The following KAT6B variants were observed in gnomAD, a reference collection of about 807,000 sequenced individuals.
KAT6B encodes lysine acetyltransferase 6B.
A neutral mutation model predicts 187.5 loss-of-function variants in KAT6B; 10 were observed. That is an observed-to-expected ratio of 0.05 (90% confidence interval 0.03 to 0.09). The LOEUF is 0.09. Among genes scored for constraint, KAT6B ranks in the 10% least tolerant of loss-of-function variants. The probability of loss-of-function intolerance (pLI) is 1.00; values close to 1 mark genes in which losing one functional copy is unlikely to be tolerated. For missense variants in KAT6B, 1,952 were observed against 2,558.9 expected (o/e 0.76, Z 5.12); for synonymous variants, 861 against 926.8 (o/e 0.93, Z 1.29).
intron 13 of KAT6B, among the ~76,000 whole-genome samples, chr10:75,018,674 A>G (rs1294372992): frequency 6.6e-6 from 1 of 152,192 alleles, no homozygotes; most frequent in Non-Finnish European, 1.5e-5. Flanking sequence ...GGGGGGGCAC[A>G]TACCACCTTG....
intron 3 of KAT6B, among the ~76,000 whole-genome samples, chr10:74,858,935 A>G (rs551190862): frequency 6.6e-6 from 1 of 151,220 alleles, no homozygotes; most frequent in South Asian, 2.1e-4. Flanking sequence ...AGCCTGGGCA[A>G]CAGAGCAAGA....
At chr10:74,952,707 A>G (rs1318206307) in intron 3 of KAT6B, among the ~76,000 whole-genome samples, 3 of 151,002 alleles carry the variant, frequency 2.0e-5, no homozygotes, top group Admixed American at 6.6e-5. Context: ...TTTTTTTAAG[A>G]TGGAGTTTCA....
intron 3 of KAT6B, among the ~76,000 whole-genome samples, chr10:74,893,006 T>C (rs942377813): frequency 2.6e-5 from 4 of 152,208 alleles, no homozygotes; most frequent in Admixed American, 1.3e-4. Flanking sequence ...CCTGAGTCTT[T>C]TTGAAAGACT....
rs778223474 is a variant in KAT6B at position 74,976,319 on chromosome 10, A to G, written c.1982A>G (p.Asp661Gly). 1.2e-6 allele frequency: 2 copies of G among 1,612,734 alleles called. No homozygotes were observed. The highest frequency in any genetic ancestry group is 1.7e-6 in the Non-Finnish European group (2 of 1,179,922). ...TTGACAGACGGAAGGATTAAACCTG[A>G]TCAGGATGATGGTAAGCAAAAGGTC... ...GSLTDGRIKP[D>G]QDDDTEIKIN... The change falls in exon 8 of 18, where the codon GAT becomes GGT. Residue 661 changes from aspartate (D) to glycine (G), a missense_variant. Asp to Gly is a moderately conservative substitution (Grantham distance 94, BLOSUM62 -1). This residue lies in a region of KAT6B where 417 missense variants were observed against 508.9 expected (regional missense o/e 0.82). Transcript: ENST00000287239.
chr10:74,915,610 C>T (rs1028448612), intron 3 of KAT6B, among the ~76,000 whole-genome samples: 4 of 152,250 alleles, frequency 2.6e-5, no homozygotes, highest in Admixed American at 1.3e-4. Context: ...GTATCCCCAA[C>T]ACTACCACAG....
In KAT6B at chr10:75,029,937, T is replaced by A; in HGVS notation, c.5113T>A (p.Ser1705Thr). ...AAACGGCTCTTCACAGAACAGCTGCTCCTATAGCAACCTCACCTCCAGCAG... is the reference window on the plus strand; with the variant it reads ...AAACGGCTCTTCACAGAACAGCTGCACCTATAGCAACCTCACCTCCAGCAG... Reference protein sequence around the residue: ...CGNGSSQNSCSYSNLTSSSLT... With the variant: ...CGNGSSQNSCTYSNLTSSSLT... The change falls in exon 18 of 18, where the codon TCC (serine) becomes ACC (threonine). Residue 1705 changes from serine (S) to threonine (T), a missense_variant. Around this residue, in one of 9 missense-constraint regions of KAT6B, gnomAD observed 87 missense variants for 167.5 expected, o/e 0.52. Transcript: ENST00000287239. This position sits in a 1 kb window ranked among gnomAD's most constrained non-coding sequence, Gnocchi z 6.2. 1 of 1,614,152 alleles carries A rather than the reference T, an allele frequency of 6.2e-7. No individual in the cohort carries two copies. The highest frequency in any genetic ancestry group is 8.5e-7 in the Non-Finnish European group (1 of 1,180,034).
Position 74,958,879 on chromosome 10 carries a change from A to G in KAT6B, c.622-1091A>G, listed in dbSNP as rs1270871445. Among the ~76,000 whole-genome samples the G allele has an allele frequency of 1.3e-5, 2 of 151,724 alleles. 1 individual carries two copies. Among genetic ancestry groups the G allele is most frequent in the Non-Finnish European group, 2.9e-5 (2 of 67,962 alleles). ...ATGGTGAAACCCCATCTCTACTAAA[A>G]ATATAAAAATTAGCCGGGTTTGGTG... On this transcript the variant is annotated intron_variant, in intron 3 of 17. Transcript: ENST00000287239.
chr10:74,996,346 A>C (rs1020222359), intron 13 of KAT6B, among the ~76,000 whole-genome samples: 6 of 152,224 alleles, frequency 3.9e-5, no homozygotes, highest in African/African-American at 1.4e-4. Context: ...CATTCTAGGC[A>C]GAGGGGAGCA....
At chr10:74,995,551 G>A (rs1843371288) in intron 13 of KAT6B, among the ~76,000 whole-genome samples, 1 of 152,132 alleles carries the variant, frequency 6.6e-6, no homozygotes, top group Non-Finnish European at 1.5e-5. Flanking sequence ...TGAGCAGATA[G>A]ATGTGCATTT....
chr10:74,825,911 CCGGGACGGGA>C (rs917311700), upstream of KAT6B, among the ~76,000 whole-genome samples: 37 of 149,504 alleles, frequency 2.5e-4, no homozygotes, highest in Non-Finnish European at 4.0e-4. This position sits in a 1 kb window ranked among gnomAD's most constrained non-coding sequence, Gnocchi z 5.0. Flanking sequence ...GAGTAGTCGC[CCGGGACGGGA>C]CGGGACGGGA....
chr10:74,933,944 G>C (rs1050158360), intron 3 of KAT6B, among the ~76,000 whole-genome samples: 19 of 152,188 alleles, frequency 1.2e-4, no homozygotes, highest in African/African-American at 4.6e-4. Context: ...CTAGCACTTT[G>C]GGAGGCCGAG....
chr10:75,017,322 A>G (rs1845048966), intron 13 of KAT6B, among the ~76,000 whole-genome samples: 1 of 151,410 alleles, frequency 6.6e-6, no homozygotes, highest in South Asian at 2.1e-4. Context: ...TATCATAATT[A>G]TGTTGTGAAG....
chr10:74,903,308 C>T (rs1011804469), intron 3 of KAT6B, among the ~76,000 whole-genome samples: 1 of 152,204 alleles, frequency 6.6e-6, no homozygotes, highest in Non-Finnish European at 1.5e-5. Flanking sequence ...AGATATCACC[C>T]ATGATTCTAC....
chr10:74,988,712 G>A (rs1302273829), intron 12 of KAT6B, among the ~76,000 whole-genome samples: 2 of 152,182 alleles, frequency 1.3e-5, no homozygotes, highest in Non-Finnish European at 2.9e-5. Flanking sequence ...ATTTGAGCAA[G>A]GAAAGCATTT....
rs577525533 is a variant in KAT6B, at chr10:74,902,947, A to T, written c.622-57023A>T. Among the ~76,000 whole-genome samples the T allele has an allele frequency of 8.5e-5, 13 of 152,316 alleles. No homozygotes were observed. In the South Asian group the frequency reaches 2.7e-3, roughly 32 times the overall value. ...GTATTTGGTCTATAGTTTCTGCTTA[A>T]TTTTTATGAAACTTGATTTCTGTGA... On this transcript the variant is annotated intron_variant, in intron 3 of 17. Coordinates refer to ENST00000287239, the MANE Select transcript of KAT6B (RefSeq NM_012330.4).
chr10:74,826,777 C>A lies in KAT6B; in HGVS notation c.-337C>A, dbSNP rs1458028531. The A allele has an allele frequency of 6.6e-6, 1 of 151,410 alleles. No individual in the cohort carries two copies. The highest frequency in any genetic ancestry group is 1.5e-5 in the Non-Finnish European group (1 of 67,712). The allele number at this position is 151,410 out of a possible 1,614,324, so 9.4% of individuals were successfully genotyped here. A position where few individuals can be genotyped will look rare whatever the true frequency, so the allele number is the denominator to read the frequency against. On this transcript the variant is annotated 5_prime_UTR_variant, in exon 1 of 18. Coordinates refer to ENST00000287239, the MANE Select transcript of KAT6B (RefSeq NM_012330.4). ...CCCGGCAGGCGCGGTGGCGGTGGCG[C>A]GCAGCCAGGTCTGTCACCCACCCCG...
At chr10:74,962,198 A>C (rs1465122383) in intron 4 of KAT6B, among the ~76,000 whole-genome samples, 6 of 152,206 alleles carry the variant, frequency 3.9e-5, no homozygotes, top group Non-Finnish European at 8.8e-5. Context: ...TCATCTGATA[A>C]ATCAGAAGAA....
At chr10:74,945,172 G>T (rs1839858483) in intron 3 of KAT6B, among the ~76,000 whole-genome samples, 1 of 152,188 alleles carries the variant, frequency 6.6e-6, no homozygotes, top group African/African-American at 2.4e-5. Context: ...TTCATAAAAT[G>T]AGGCACTGAG....
chr10:75,000,163 CTCTG>C (rs953477658), intron 13 of KAT6B, among the ~76,000 whole-genome samples: 1 of 151,632 alleles, frequency 6.6e-6, no homozygotes, highest in African/African-American at 2.4e-5. Context: ...CAGAGCAAGA[CTCTG>C]TCTTTTTTTT....
Sources: allele counts gnomAD v4.1 joint callset (sites outside exome capture counted in the v4.1 genomes callset), GRCh38; gene constraint gnomAD v4.1.1; regional missense constraint gnomAD v4.1.1; non-coding constraint Gnocchi (gnomAD v3.1); transcripts MANE v1.5; gene names NCBI Gene and HGNC (gene_info 2026-07-23, HGNC 2026-07-21).